Variants in MMP26 observed in about 807,000 individuals in gnomAD.
MMP26 encodes the protein matrix metalloproteinase-26.
Under a neutral mutation model 31.0 loss-of-function variants are expected in MMP26, and 33 were observed. The ratio of observed to expected loss-of-function variants is 1.06; its 90% confidence interval spans 0.81 to 1.42. The LOEUF is 1.42. Among genes scored for constraint, MMP26 ranks in the 40% most tolerant of loss-of-function variants. The pLI is 0.00. For missense variants in MMP26, 347 were observed against 316.1 expected, an observed-to-expected ratio of 1.10 and a Z score of -0.74; for synonymous variants, 122 against 114.9, an observed-to-expected ratio of 1.06 and a Z score of -0.40.
intron 1 of MMP26, among the ~76,000 whole-genome samples, chr11:4,748,887 G>T (rs111375126): frequency 1.3e-5 from 2 of 151,902 alleles, no homozygotes; most frequent in Non-Finnish European, 2.9e-5. Context: ...CTGAAACAAG[G>T]CAAGGATGCC....
chr11:4,718,171 TAAAG>T (rs776983657), intron 1 of MMP26, among the ~76,000 whole-genome samples: 9 of 152,138 alleles, frequency 5.9e-5, no homozygotes, highest in Non-Finnish European at 1.0e-4. Flanking sequence ...TAGCAGGAGA[TAAAG>T]AGAGGATTTT....
At chr11:4,796,064 A>G (rs1056952214) in intron 2 of MMP26, among the ~76,000 whole-genome samples, 1 of 152,140 alleles carries the variant, frequency 6.6e-6, no homozygotes, top group African/African-American at 2.4e-5. Flanking sequence ...TTTGCCCAGA[A>G]TTCCTTAGTT....
At chr11:4,964,990 A>G (rs1307165032) in intron 2 of MMP26, among the ~76,000 whole-genome samples, 1 of 152,160 alleles carries the variant, frequency 6.6e-6, no homozygotes, top group African/African-American at 2.4e-5. Context: ...TACTTAGGTG[A>G]TGGAATGATC....
At chr11:4,989,623 A>ACTCATCCTT in intron 3 of MMP26, 25 bp from the exon 4 acceptor site, 1 of 1,584,508 alleles carries the variant, frequency 6.3e-7, no homozygotes, top group Admixed American at 1.7e-5. Flanking sequence ...GACTCTTAGT[A>ACTCATCCTT]CTCATCCTTC....
intron 1 of MMP26, among the ~76,000 whole-genome samples, chr11:4,735,480 TA>T (rs1325396971): frequency 6.6e-6 from 1 of 152,176 alleles, no homozygotes; most frequent in East Asian, 1.9e-4. Context: ...CCCCTTACCT[TA>T]TAGCTCAAAC....
intron 2 of MMP26, chr11:4,913,210 G>T (rs1172359619): frequency 2.0e-5 from 3 of 152,142 alleles, no homozygotes; most frequent in Non-Finnish European, 4.4e-5. Context: ...TATCATTGCA[G>T]AAACAGTGTT....
chr11:4,705,384 G>GT (rs1847761740), intron 1 of MMP26, among the ~76,000 whole-genome samples: 1 of 152,180 alleles, frequency 6.6e-6, no homozygotes, highest in African/African-American at 2.4e-5. Context: ...TGAGAACGTC[G>GT]TATGTTTCCT....
rs1319497128 is a variant in MMP26 at position 4,843,229 on chromosome 11, A to G, written c.-145+75888A>G. ...TGGATAATGGTGGCTCTCTTCTCAC[A>G]GATCCATTAGGCAGTGCCCCAGTGG... is the stretch of plus-strand genomic sequence containing the variant. On this transcript the variant is annotated intron_variant, in intron 2 of 7. Coordinates refer to ENST00000380390, the MANE Select transcript of MMP26 (RefSeq NM_021801.5). Among the ~76,000 whole-genome samples, 16 of 152,308 alleles carry G rather than the reference A, an allele frequency of 1.1e-4. No homozygotes were observed. The South Asian group carries it at 3.1e-3, about 30-fold the overall frequency.
At chr11:4,991,606 G>C in intron 6 of MMP26, 110 bp downstream of exon 6, 2 of 1,380,006 alleles carry the variant, frequency 1.4e-6, no homozygotes, top group Non-Finnish European at 2.0e-6. Context: ...GGAAGATTTG[G>C]CTGAGGAATC....
chr11:4,952,492 T>A (rs1846384119), intron 2 of MMP26, among the ~76,000 whole-genome samples: 2 of 125,860 alleles, frequency 1.6e-5, no homozygotes, highest in South Asian at 4.7e-4. Flanking sequence ...ATGGATATAG[T>A]TACGCACCTT....
At position 4,988,238 on chromosome 11, in the gene MMP26, T is replaced by A; in HGVS notation, c.27T>A (p.Thr9=). 1 of 1,614,106 alleles carries A rather than the reference T, an allele frequency of 6.2e-7. No individual in the cohort carries two copies. Among genetic ancestry groups the A allele is most frequent in the Non-Finnish European group, 8.5e-7 (1 of 1,180,024 alleles). The stretch of plus-strand genomic sequence containing the variant: ...TGCAGCTCGTCATCTTAAGAGTTAC[T>A]ATCTTCTTGCCCTGGTGTTTCGCCG... The part of the protein sequence containing the change: MQLVILRV[T]IFLPWCFAVP... Residue 9 remains threonine (T), a synonymous_variant, in exon 3 of 8, where the codon ACT becomes ACA. Coordinates refer to ENST00000380390, the MANE Select transcript of MMP26 (RefSeq NM_021801.5).
chr11:4,920,109 G>T (rs1003591391), intron 2 of MMP26, among the ~76,000 whole-genome samples: 5 of 152,180 alleles, frequency 3.3e-5, no homozygotes, highest in Non-Finnish European at 7.4e-5. Flanking sequence ...AGAGAGAAAT[G>T]AAGGGAGGGA....
At chr11:4,799,708 G>A (rs1368135543) in intron 2 of MMP26, among the ~76,000 whole-genome samples, 1 of 152,058 alleles carries the variant, frequency 6.6e-6, no homozygotes, top group African/African-American at 2.4e-5. Context: ...TTTCACCTAT[G>A]AGCCTGTAAA....
intron 2 of MMP26, among the ~76,000 whole-genome samples, chr11:4,831,880 T>C (rs1191343531): frequency 6.6e-6 from 1 of 152,180 alleles, no homozygotes; most frequent in Non-Finnish European, 1.5e-5. Flanking sequence ...CAGAAATATA[T>C]CAGGGAATAA....
At chr11:4,965,824 G>C (rs906340971) in intron 2 of MMP26, among the ~76,000 whole-genome samples, 1 of 152,178 alleles carries the variant, frequency 6.6e-6, no homozygotes, top group African/African-American at 2.4e-5. Context: ...TTCTTCTACT[G>C]TGGAAGCATC....
At chr11:4,724,305 C>A (rs1023499033) in intron 1 of MMP26, 2 of 329,776 alleles carry the variant, frequency 6.1e-6, no homozygotes, top group Non-Finnish European at 1.1e-5. Flanking sequence ...TTTCTCTATA[C>A]TCTTCAGGGC....
intron 1 of MMP26, among the ~76,000 whole-genome samples, chr11:4,766,875 T>C (rs1226820708): frequency 6.6e-6 from 1 of 152,088 alleles, no homozygotes; most frequent in Non-Finnish European, 1.5e-5. Flanking sequence ...AATATTGCGA[T>C]GAGTGCTTAT....
intron 2 of MMP26, among the ~76,000 whole-genome samples, chr11:4,925,927 A>G (rs1391255197): frequency 6.6e-6 from 1 of 152,120 alleles, no homozygotes; most frequent in Non-Finnish European, 1.5e-5. Flanking sequence ...GTGGGTGAGG[A>G]GGATTAAGTA....
intron 2 of MMP26, among the ~76,000 whole-genome samples, chr11:4,880,688 G>C (rs908147423): frequency 4.2e-4 from 64 of 152,186 alleles, no homozygotes; most frequent in African/African-American, 1.5e-3. Flanking sequence ...ACAGTACTTG[G>C]ATATATAAAT....
Sources: gnomAD v4.1 joint callset for allele counts (sites outside exome capture counted in the v4.1 genomes callset) on GRCh38, gnomAD v4.1.1 for gene constraint, MANE v1.5 for transcripts, NCBI Gene and HGNC (gene_info 2026-07-23, HGNC 2026-07-21) for gene names.